Variants in UMODL1 observed in about 807,000 individuals in gnomAD.
The protein encoded by UMODL1 is uromodulin like 1.
UMODL1 carries 128 observed loss-of-function variants against 136.3 expected under a neutral mutation model. The observed-to-expected ratio is 0.94, with a 90% CI of 0.81 to 1.09. The LOEUF is 1.09. Among genes scored for constraint, UMODL1 ranks in the 50% least tolerant of loss-of-function variants. The probability of loss-of-function intolerance (pLI) is 0.00; values close to 1 mark genes in which losing one functional copy is unlikely to be tolerated. For synonymous variants in UMODL1, 721 were observed against 720.0 expected (o/e 1.00, Z -0.02); for missense variants, 1,766 against 1,725.6 (o/e 1.02, Z -0.41).
At position 42,076,111 on chromosome 21, in the gene UMODL1, C is replaced by T. The variant is rs553704626; in HGVS notation, c.183C>T (p.Cys61=). The T allele has an allele frequency of 1.5e-5, 25 of 1,614,100 alleles. No homozygotes were observed. In the East Asian group the frequency reaches 1.8e-4, roughly 12 times the overall value. ...VQTSYTSYVS[C]GGWIPWRRCP... ...CGTCCTACACGTCCTATGTGTCCTG[C>T]GGCGGCTGGATCCCCTGGAGGCGGT... is the stretch of plus-strand genomic sequence containing the variant. Residue 61 remains cysteine (C), a synonymous_variant, in exon 2 of 23, where the codon TGC becomes TGT. Transcript: ENST00000408910.
intron 6 of UMODL1, among the ~76,000 whole-genome samples, chr21:42,097,184 G>T (rs2066568813): frequency 6.6e-6 from 1 of 152,196 alleles, no homozygotes; most frequent in Admixed American, 6.5e-5. Context: ...AAAAAGTATA[G>T]ATGTGTCTTT....
chr21:42,114,004 A>C (rs1041332898), intron 13 of UMODL1, among the ~76,000 whole-genome samples, 174 bp downstream of exon 13: 1 of 152,230 alleles, frequency 6.6e-6, no homozygotes, highest in Non-Finnish European at 1.5e-5. Flanking sequence ...GCCAGACAGG[A>C]GGTGGCTTAT....
rs751070880 is a variant in UMODL1 at position 42,102,167 on chromosome 21, T to C, written c.1188T>C (p.Asn396=). The change falls in exon 8 of 23, where the codon AAT becomes AAC. Residue 396 remains asparagine (N), a splice_region_variant and synonymous_variant. Transcript: ENST00000408910. ...AATTTGTTTCACTGTCTGTCTCAGA[T>C]GCCCAGGTATTTGAAGTCACAATAA... ...DVSTTLTIKT[N]AQVFEVTIKI... 4 of 1,610,844 alleles carry C rather than the reference T, an allele frequency of 2.5e-6. No homozygotes were observed. In the South Asian group the frequency reaches 3.3e-5, roughly 13 times the overall value.
chr21:42,113,663 C>T lies in UMODL1; in HGVS notation c.2195C>T (p.Thr732Ile). 2 of 1,614,108 alleles carry T rather than the reference C, an allele frequency of 1.2e-6. No homozygotes were observed. Among genetic ancestry groups the T allele is most frequent in the South Asian group, 2.2e-5 (2 of 91,086 alleles). The change falls in exon 13 of 23, where the codon ACC becomes ATC. Residue 732 changes from threonine to isoleucine, a missense_variant. Coordinates refer to ENST00000408910, the MANE Select transcript of UMODL1 (RefSeq NM_001004416.3). The stretch of plus-strand genomic sequence containing the variant: ...GAGGCGGATCTTGCTATGGACTCCA[C>T]CTTCCAGCTCACTCTGACTTCCATG... Reference protein sequence around the residue: ...AWEADLAMDSTFQLTLTSMWS... With the variant: ...AWEADLAMDSIFQLTLTSMWS...
intron 21 of UMODL1, among the ~76,000 whole-genome samples, chr21:42,136,199 A>G (rs1011188955): frequency 4.6e-5 from 7 of 152,196 alleles, no homozygotes. Flanking sequence ...CACAGTTTTT[A>G]AAAAATTAAA....
rs750142422 is a variant in UMODL1 at position 42,084,117 on chromosome 21, CTGGGG to C, written c.354_358del (p.Gly119LeufsTer7). 29 of 1,614,028 alleles carry C rather than the reference CTGGGG, an allele frequency of 1.8e-5. No homozygotes were observed. The African/African-American group carries it at 1.9e-4, about 10-fold the overall frequency. On this transcript the variant is annotated frameshift_variant, in exon 3 of 23. Transcript: ENST00000408910. LOFTEE classifies it high-confidence loss of function. ...CAGTCCGGGCAGTTCACGTCAAGAC[CTGGGG>C]CCTGCCCCGCAGAGGGGCCTGAACC...
chr21:42,087,123 C>T (rs2066435172), intron 4 of UMODL1, among the ~76,000 whole-genome samples: 1 of 152,172 alleles, frequency 6.6e-6, no homozygotes, highest in South Asian at 2.1e-4. Context: ...TTCAATATTG[C>T]TGCGTGACAC....
chr21:42,092,039 G>A (rs1316104131), intron 6 of UMODL1, among the ~76,000 whole-genome samples: 1 of 152,256 alleles, frequency 6.6e-6, no homozygotes, highest in Non-Finnish European at 1.5e-5. Flanking sequence ...CCCCAAGCGA[G>A]CAAGCGGTAA....
chr21:42,108,254 CTAGGCT>C (rs2146493871), intron 9 of UMODL1: 1 of 483,514 alleles, frequency 2.1e-6, no homozygotes, highest in East Asian at 6.6e-5. Context: ...CCCAGCCAGC[CTAGGCT>C]CCAACCCCAA....
At chr21:42,121,569 C>T (rs1036107079) in intron 16 of UMODL1, among the ~76,000 whole-genome samples, 2 of 152,140 alleles carry the variant, frequency 1.3e-5, no homozygotes, top group Admixed American at 6.5e-5. Flanking sequence ...AAACACGCAG[C>T]CGTGGGACAC....
chr21:42,079,410 G>A (rs1291122783), intron 2 of UMODL1, among the ~76,000 whole-genome samples: 1 of 152,256 alleles, frequency 6.6e-6, no homozygotes, highest in Non-Finnish European at 1.5e-5. Flanking sequence ...TGCCCTTGCA[G>A]TCAGGGAGTC....
chr21:42,085,217 C>G lies in UMODL1; in HGVS notation c.482-74C>G, dbSNP rs886634066. On this transcript the variant is annotated intron_variant, in intron 3 of 22. Coordinates refer to ENST00000408910, the MANE Select transcript of UMODL1 (RefSeq NM_001004416.3). The surrounding 1 kb of genome is among the most constrained non-coding windows in gnomAD (Gnocchi z 4.5). ...GGCCTCTGGTTCCCTCTCCTGCCCCCTCTCCCACCCCAGCAGCTTTTGTGA... is the reference window on the plus strand; with the variant it reads ...GGCCTCTGGTTCCCTCTCCTGCCCCGTCTCCCACCCCAGCAGCTTTTGTGA... 2.7e-5 allele frequency: 42 copies of G among 1,562,638 alleles called. No individual in the cohort carries two copies. The highest frequency in any genetic ancestry group is 2.7e-5 in the African/African-American group (2 of 73,482).
intron 10 of UMODL1, among the ~76,000 whole-genome samples, chr21:42,110,023 C>G (rs1339546154): frequency 6.6e-6 from 1 of 152,066 alleles, no homozygotes; most frequent in Admixed American, 6.5e-5. Flanking sequence ...CCACAGAAGT[C>G]AGGATGCAGC....
chr21:42,078,903 C>T (rs76875292), intron 2 of UMODL1, among the ~76,000 whole-genome samples: 2,405 of 150,176 alleles, frequency 0.016, 19 homozygotes, highest in African/African-American at 0.058. Flanking sequence ...CCACTTTCTT[C>T]GAGGGCCACA....
Position 42,122,029 on chromosome 21 carries a change from C to T in UMODL1, c.2828-802C>T, listed in dbSNP as rs573772627. 6.6e-5 allele frequency among the ~76,000 whole-genome samples: 10 copies of T among 152,262 alleles called. No homozygotes were observed. In the South Asian group the frequency reaches 1.9e-3, roughly 28 times the overall value. ...AGGCTGCCCAGGGAGGCGGGTGAGGCAGCAGCCAACTGTGAAGTCCTCAGC... is the reference window on the plus strand; with the variant it reads ...AGGCTGCCCAGGGAGGCGGGTGAGGTAGCAGCCAACTGTGAAGTCCTCAGC... On this transcript the variant is annotated intron_variant, in intron 16 of 22. Coordinates refer to ENST00000408910, the MANE Select transcript of UMODL1 (RefSeq NM_001004416.3). The surrounding 1 kb of genome is among the most constrained non-coding windows in gnomAD (Gnocchi z 4.3).
intron 6 of UMODL1, among the ~76,000 whole-genome samples, chr21:42,095,089 G>GCTTTTTTTTTT (rs1555922532): frequency 1.6e-5 from 1 of 61,186 alleles, no homozygotes; most frequent in Non-Finnish European, 2.9e-5. Context: ...TTCTTCTGCT[G>GCTTTTTTTTTT]TTTTTTTTTT....
intron 8 of UMODL1, chr21:42,102,540 C>T (rs220110): frequency 4.2e-6 from 1 of 238,320 alleles, no homozygotes; most frequent in African/African-American, 2.2e-5. Flanking sequence ...ACACCACTTA[C>T]TCCTACTGTT....
At chr21:42,100,463 C>T (rs1057169628) in intron 7 of UMODL1, among the ~76,000 whole-genome samples, 1 of 151,948 alleles carries the variant, frequency 6.6e-6, no homozygotes, top group Non-Finnish European at 1.5e-5. Context: ...CACGGGCATC[C>T]AGAAAGCCCT....
chr21:42,111,532 A>G lies in UMODL1; in HGVS notation c.1926A>G (p.Pro642=). The stretch of plus-strand genomic sequence containing the variant: ...TACAGGGAAACTCCATCATGGAGCC[A>G]CCCTCCTGGCCTTCCCCTACTGAGG... ...QELQGNSIME[P]PSWPSPTEDP... The change falls in exon 12 of 23, where the codon CCA becomes CCG. Residue 642 remains proline (P), a synonymous_variant. Coordinates refer to ENST00000408910, the MANE Select transcript of UMODL1 (RefSeq NM_001004416.3). 1 of 1,613,644 alleles carries G rather than the reference A, an allele frequency of 6.2e-7. No individual in the cohort carries two copies. Among genetic ancestry groups the G allele is most frequent in the African/African-American group, 1.3e-5 (1 of 74,988 alleles).
Sources: gnomAD v4.1 joint callset for allele counts (sites outside exome capture counted in the v4.1 genomes callset) on GRCh38, gnomAD v4.1.1 for gene constraint, Gnocchi (gnomAD v3.1) non-coding constraint, MANE v1.5 for transcripts, NCBI Gene and HGNC (gene_info 2026-07-23, HGNC 2026-07-21) for gene names.